The following CAMK1D variants were observed in gnomAD, a reference collection of about 807,000 sequenced individuals.
CAMK1D encodes calcium/calmodulin dependent protein kinase ID.
CAMK1D carries 9 observed loss-of-function variants against 47.7 expected under a neutral mutation model. The observed-to-expected ratio is 0.19, with a 90% CI of 0.11 to 0.33. The LOEUF (loss-of-function observed/expected upper bound fraction) is 0.33, where lower values mean the gene tolerates loss of function less well. Among genes scored for constraint, CAMK1D ranks in the 10% least tolerant of loss-of-function variants. CAMK1D has a pLI of 1.00. For missense variants in CAMK1D, 291 were observed against 488.7 expected (o/e 0.60, Z 3.81); for synonymous variants, 184 against 184.9 (o/e 0.99, Z 0.04).
chr10:12,491,107 T>G (rs1834369596), intron 1 of CAMK1D, among the ~76,000 whole-genome samples: 1 of 152,142 alleles, frequency 6.6e-6, no homozygotes, highest in African/African-American at 2.4e-5. Flanking sequence ...CCTGGCCCCA[T>G]GCACACTTGG....
At chr10:12,781,477 G>A (rs557968940) in intron 5 of CAMK1D, among the ~76,000 whole-genome samples, 2 of 152,032 alleles carry the variant, frequency 1.3e-5, no homozygotes, top group South Asian at 2.1e-4. Context: ...CTCCCTCCCC[G>A]TTCCTTAGCC....
At chr10:12,638,188 A>G (rs1041638862) in intron 2 of CAMK1D, among the ~76,000 whole-genome samples, 19 of 152,232 alleles carry the variant, frequency 1.2e-4, no homozygotes, top group Non-Finnish European at 2.1e-4. Flanking sequence ...GGGAGGGGCC[A>G]GGCTTCTAGC....
At position 12,568,440 on chromosome 10, in the gene CAMK1D, C is replaced by T. The variant is rs551851120; in HGVS notation, c.224+15084C>T. Among the ~76,000 whole-genome samples, 95 of 52,118 alleles carry T rather than the reference C, an allele frequency of 1.8e-3. 1 individual carries two copies. The highest frequency in any genetic ancestry group is 7.1e-3 in the African/African-American group (79 of 11,142). The allele number at this position is 52,118 out of a possible 152,430, so 34.2% of individuals were successfully genotyped here. A position where few individuals can be genotyped will look rare whatever the true frequency, so the allele number is the denominator to read the frequency against. On this transcript the variant is annotated intron_variant, in intron 2 of 10. Coordinates refer to ENST00000619168, the MANE Select transcript of CAMK1D (RefSeq NM_153498.4). ...TTCCCCTCACCCTCCCCTCCCCTTC[C>T]TTTCCTTTCCTTCCTTCCTCTTTTC...
At chr10:12,610,129 A>C (rs147408687) in intron 2 of CAMK1D, among the ~76,000 whole-genome samples, 1 of 152,080 alleles carries the variant, frequency 6.6e-6, no homozygotes, top group African/African-American at 2.4e-5. Flanking sequence ...TATGTGACTA[A>C]TTTAAAGCCA....
intron 2 of CAMK1D, among the ~76,000 whole-genome samples, chr10:12,582,990 C>A (rs1216989788): frequency 1.3e-5 from 2 of 152,156 alleles, no homozygotes; most frequent in East Asian, 3.8e-4. Context: ...GTAATCCCAG[C>A]ACTTTGAGAG....
In CAMK1D at chr10:12,832,573, C is replaced by G. The variant is rs1302161993; in HGVS notation, c.*3686C>G. ...TGTCGGAGACTAGAAAACATTCTAC[C>G]CCTTCAGGTCTTCTTTTAAAAGAAA... On this transcript the variant is annotated 3_prime_UTR_variant, in exon 11 of 11. Transcript: ENST00000619168. 1 of 152,180 alleles carries G rather than the reference C, an allele frequency of 6.6e-6. No homozygotes were observed. Among genetic ancestry groups the G allele is most frequent in the Non-Finnish European group, 1.5e-5 (1 of 68,030 alleles). 9.4% of individuals were successfully genotyped at this position (152,180 alleles called of 1,614,324 possible).
intron 2 of CAMK1D, among the ~76,000 whole-genome samples, chr10:12,665,349 CT>C (rs1840395562): frequency 4.6e-5 from 7 of 152,228 alleles, no homozygotes; most frequent in Admixed American, 4.6e-4. Flanking sequence ...TTATAAACTT[CT>C]TTCGCGGGGA....
In CAMK1D at chr10:12,829,214, TG is replaced by T; in HGVS notation, c.*329del. ...TCTTCTCAGTGTAGGTAACCGTCTA[TG>T]GTGTGTTTTTTCATTAATGACAAAA... On this transcript the variant is annotated 3_prime_UTR_variant, in exon 11 of 11. Transcript: ENST00000619168. 4.8e-6 allele frequency: 1 copy of T among 209,076 alleles called. No homozygotes were observed. The highest frequency in any genetic ancestry group is 9.5e-6 in the Non-Finnish European group (1 of 105,458). 13.0% of individuals were successfully genotyped at this position (209,076 alleles called of 1,614,324 possible).
At chr10:12,397,634 G>A (rs1331810290) in intron 1 of CAMK1D, among the ~76,000 whole-genome samples, 1 of 152,134 alleles carries the variant, frequency 6.6e-6, no homozygotes, top group East Asian at 1.9e-4. Context: ...GTGAGTGCCT[G>A]GTACACCAGG....
At chr10:12,561,425 G>T (rs919632076) in intron 2 of CAMK1D, among the ~76,000 whole-genome samples, 1 of 152,018 alleles carries the variant, frequency 6.6e-6, no homozygotes, top group African/African-American at 2.4e-5. Context: ...TTTAATCACC[G>T]AGAAGAGTTG....
intron 3 of CAMK1D, among the ~76,000 whole-genome samples, chr10:12,720,707 G>A (rs1393185793): frequency 6.6e-6 from 1 of 152,164 alleles, no homozygotes; most frequent in African/African-American, 2.4e-5. Flanking sequence ...GAAACTACAA[G>A]AGTGAGAAGA....
intron 2 of CAMK1D, among the ~76,000 whole-genome samples, chr10:12,615,748 A>G (rs1013199070): frequency 1.4e-5 from 2 of 144,730 alleles, no homozygotes; most frequent in African/African-American, 5.2e-5. Flanking sequence ...GGGGGTGTGT[A>G]TAGTTGTGTG....
chr10:12,586,068 A>G (rs1021046255), intron 2 of CAMK1D, among the ~76,000 whole-genome samples: 4 of 152,162 alleles, frequency 2.6e-5, no homozygotes, highest in Admixed American at 6.5e-5. Flanking sequence ...GCTTGGATGG[A>G]GCCCTTCCGA....
At chr10:12,689,384 TTCTC>T (rs1171190827) in intron 3 of CAMK1D, among the ~76,000 whole-genome samples, 1 of 152,240 alleles carries the variant, frequency 6.6e-6, no homozygotes, top group Non-Finnish European at 1.5e-5. Context: ...GAAGTCATGT[TTCTC>T]TCTCACCCTC....
intron 1 of CAMK1D, among the ~76,000 whole-genome samples, chr10:12,417,950 T>C (rs958778553): frequency 1.3e-5 from 2 of 152,010 alleles, no homozygotes; most frequent in Admixed American, 6.6e-5. Flanking sequence ...TACAGGCGCC[T>C]GCCACCACAC....
chr10:12,674,617 T>TTTTTTTTTC (rs398012836), intron 3 of CAMK1D, among the ~76,000 whole-genome samples: 2 of 145,240 alleles, frequency 1.4e-5, no homozygotes, highest in African/African-American at 5.1e-5. Flanking sequence ...TTTTTTTTTT[T>TTTTTTTTTC]CAGAATTCTG....
rs2131157517 is a variant in CAMK1D at position 12,835,161 on chromosome 10, C to T, written c.*6274C>T. On this transcript the variant is annotated 3_prime_UTR_variant, in exon 11 of 11. Coordinates refer to ENST00000619168, the MANE Select transcript of CAMK1D (RefSeq NM_153498.4). ...TCCAGAATAAACATTGGAACAATCT[C>T]TCAATTGGCTTTTGTCACTACACAT... 6.6e-6 allele frequency: 1 copy of T among 152,336 alleles called. No homozygotes were observed. Among genetic ancestry groups the T allele is most frequent in the South Asian group, 2.1e-4 (1 of 4,824 alleles). The allele number at this position is 152,336 out of a possible 1,614,324, so 9.4% of individuals were successfully genotyped here.
At chr10:12,387,518 T>G (rs1483567563) in intron 1 of CAMK1D, among the ~76,000 whole-genome samples, 3 of 143,974 alleles carry the variant, frequency 2.1e-5, no homozygotes, top group Non-Finnish European at 4.5e-5. Flanking sequence ...GGTTGCTTTT[T>G]TTTTTTGAGA....
At chr10:12,810,090 A>G (rs931193467) in intron 6 of CAMK1D, among the ~76,000 whole-genome samples, 1 of 148,596 alleles carries the variant, frequency 6.7e-6, no homozygotes, top group Non-Finnish European at 1.5e-5. Flanking sequence ...GGGAGGGTGC[A>G]GTGGGCCAAG....
Sources: allele counts gnomAD v4.1 joint callset (sites outside exome capture counted in the v4.1 genomes callset), GRCh38; gene constraint gnomAD v4.1.1; transcripts MANE v1.5; gene names NCBI Gene and HGNC (gene_info 2026-07-23, HGNC 2026-07-21).